The following SLC30A6 variants were observed in gnomAD, a reference collection of about 807,000 sequenced individuals.
SLC30A6 encodes zinc transporter 6.
SLC30A6 carries 55 observed loss-of-function variants against 63.0 expected under a neutral mutation model. That is an observed-to-expected ratio of 0.87 (90% CI 0.70 to 1.09). The LOEUF (loss-of-function observed/expected upper bound fraction) is 1.09. Among genes scored for constraint, SLC30A6 ranks in the 50% least tolerant of loss-of-function variants. The pLI, the probability that SLC30A6 is intolerant of heterozygous loss-of-function variation, is 0.00. For missense variants in SLC30A6, 587 were observed against 549.2 expected (o/e 1.07, Z -0.69); for synonymous variants, 224 against 186.1 (o/e 1.20, Z -1.66).
chr2:32,176,328 G>C (rs1000221260), intron 4 of SLC30A6, among the ~76,000 whole-genome samples: 1 of 152,128 alleles, frequency 6.6e-6, no homozygotes, highest in Non-Finnish European at 1.5e-5. Context: ...GTGTCGCTGA[G>C]TGTATTAGGG....
intron 10 of SLC30A6, among the ~76,000 whole-genome samples, chr2:32,199,111 C>T (rs1684045158): frequency 6.6e-6 from 1 of 152,216 alleles, no homozygotes; most frequent in Non-Finnish European, 1.5e-5. Flanking sequence ...CTGCTTATTT[C>T]ACTTAGCATA....
intron 4 of SLC30A6, among the ~76,000 whole-genome samples, chr2:32,179,573 G>GC (rs1435327999): frequency 6.6e-6 from 1 of 152,206 alleles, no homozygotes; most frequent in Admixed American, 6.5e-5. Context: ...AACCGATCCT[G>GC]CTGGGTATAG....
intron 4 of SLC30A6, among the ~76,000 whole-genome samples, chr2:32,181,947 T>TG: frequency 6.7e-6 from 1 of 150,052 alleles, no homozygotes; most frequent in East Asian, 1.9e-4. Flanking sequence ...TTTTTTTTTT[T>TG]TTTTTGAGAC....
chr2:32,205,250 C>G lies in SLC30A6; in HGVS notation c.768+558C>G, dbSNP rs540168492. 5.9e-5 allele frequency among the ~76,000 whole-genome samples: 9 copies of G among 152,192 alleles called. No individual in the cohort carries two copies. In the South Asian group the frequency reaches 1.7e-3, roughly 28 times the overall value. Reference sequence around the variant, plus strand: ...CCTGGCCAACATGGTGAAACCCTGTCTCTACTAAAAAAATACAAAAATTAG... The same window carrying G: ...CCTGGCCAACATGGTGAAACCCTGTGTCTACTAAAAAAATACAAAAATTAG... On this transcript the variant is annotated intron_variant, in intron 11 of 13. Coordinates refer to ENST00000282587, the MANE Select transcript of SLC30A6 (RefSeq NM_017964.5).
intron 8 of SLC30A6, among the ~76,000 whole-genome samples, chr2:32,194,655 G>A (rs1683619151): frequency 6.6e-6 from 1 of 152,186 alleles, no homozygotes; most frequent in Non-Finnish European, 1.5e-5. Flanking sequence ...GTATAGAGAA[G>A]CACAGATAGG....
chr2:32,168,745 A>G (rs1680908742), intron 1 of SLC30A6, among the ~76,000 whole-genome samples: 1 of 152,206 alleles, frequency 6.6e-6, no homozygotes, highest in African/African-American at 2.4e-5. Context: ...TCATGAGACA[A>G]AAGAGTAGAC....
intron 5 of SLC30A6, 62 bp from the exon 6 acceptor site, chr2:32,192,274 C>G: frequency 4.8e-6 from 7 of 1,462,584 alleles, no homozygotes; most frequent in Non-Finnish European, 5.8e-6. Flanking sequence ...TAAATGTGTT[C>G]TAGAGAGACT....
rs1443463732 is a variant in SLC30A6, at chr2:32,165,878, C to T, written c.-23C>T. The T allele has an allele frequency of 4.3e-6, 7 of 1,613,940 alleles. No individual in the cohort carries two copies. In the South Asian group the frequency reaches 4.4e-5, roughly 10 times the overall value. ...CTCGAGCACCCAGAACGGCTTCCGG[C>T]GGGAGCTGTGCAGCTCCTTATCATG... On this transcript the variant is annotated 5_prime_UTR_variant, in exon 1 of 14. Transcript: ENST00000282587.
intron 4 of SLC30A6, among the ~76,000 whole-genome samples, chr2:32,180,723 G>A (rs531099374): frequency 3.4e-4 from 52 of 152,272 alleles, no homozygotes; most frequent in African/African-American, 9.9e-4. Flanking sequence ...GTGAACCACC[G>A]CGCTCAGCCC....
At position 32,184,342 on chromosome 2, in the gene SLC30A6, A is replaced by G; in HGVS notation, c.284+4A>G. On this transcript the variant is annotated splice_donor_region_variant and intron_variant, in intron 5 of 13. Transcript: ENST00000282587. Reference sequence around the variant, plus strand: ...CTAGCCCTGTCTATTCATTTGGGTAAGTTCAAATTATTTTATTTTCTGCTA... The same window carrying G: ...CTAGCCCTGTCTATTCATTTGGGTAGGTTCAAATTATTTTATTTTCTGCTA... 6.8e-7 allele frequency: 1 copy of G among 1,475,690 alleles called. No homozygotes were observed. Among genetic ancestry groups the G allele is most frequent in the Non-Finnish European group, 9.1e-7 (1 of 1,097,090 alleles). The allele number at this position is 1,475,690 out of a possible 1,614,324, so 91.4% of individuals were successfully genotyped here. A position where few individuals can be genotyped will look rare whatever the true frequency, so the allele number is the denominator to read the frequency against.
chr2:32,196,330 A>G (rs959618721), intron 8 of SLC30A6, among the ~76,000 whole-genome samples: 2 of 152,110 alleles, frequency 1.3e-5, no homozygotes, highest in African/African-American at 4.8e-5. Flanking sequence ...CAAAAAAAAA[A>G]GAAAAAAGAT....
At chr2:32,202,767 T>C (rs1684408530) in intron 10 of SLC30A6, 2 of 715,652 alleles carry the variant, frequency 2.8e-6, no homozygotes, top group Non-Finnish European at 5.1e-6. Flanking sequence ...TCCTCAGACT[T>C]TACTTTTTTC....
At chr2:32,190,490 T>A (rs752096676) in intron 5 of SLC30A6, among the ~76,000 whole-genome samples, 46 of 152,082 alleles carry the variant, frequency 3.0e-4, no homozygotes, top group Admixed American at 9.2e-4. Context: ...AAATTAAATT[T>A]ATTTTTTTGG....
intron 12 of SLC30A6, among the ~76,000 whole-genome samples, chr2:32,207,859 C>G (rs191598851): frequency 6.6e-6 from 1 of 151,094 alleles, no homozygotes; most frequent in African/African-American, 2.4e-5. Context: ...CACCACATGC[C>G]TGGCTAATTT....
chr2:32,189,596 CTTTTTTTTT>C (rs3040842), intron 5 of SLC30A6, among the ~76,000 whole-genome samples: 2 of 51,882 alleles, frequency 3.9e-5, no homozygotes, highest in African/African-American at 1.9e-4. Context: ...CGCACCCGGC[CTTTTTTTTT>C]TTTTTTTTTT....
intron 4 of SLC30A6, among the ~76,000 whole-genome samples, chr2:32,182,947 G>A (rs1682460629): frequency 6.6e-6 from 1 of 152,130 alleles, no homozygotes; most frequent in South Asian, 2.1e-4. Context: ...CCAGCCCTTT[G>A]GGAGGCCGAG....
At chr2:32,176,021 G>A (rs564769607) in intron 4 of SLC30A6, among the ~76,000 whole-genome samples, 4 of 152,086 alleles carry the variant, frequency 2.6e-5, no homozygotes, top group African/African-American at 9.6e-5. Flanking sequence ...AAAAACTCTA[G>A]GTAGCAAATG....
At chr2:32,185,133 T>C (rs1004244672) in intron 5 of SLC30A6, among the ~76,000 whole-genome samples, 2 of 152,082 alleles carry the variant, frequency 1.3e-5, no homozygotes, top group Non-Finnish European at 2.9e-5. Context: ...CTTTGGTAGG[T>C]TGAGGCAGGA....
intron 13 of SLC30A6, among the ~76,000 whole-genome samples, chr2:32,213,660 C>A (rs1685446063): frequency 1.3e-5 from 2 of 152,138 alleles, no homozygotes; most frequent in South Asian, 4.1e-4. Context: ...CTGCTGCCAT[C>A]TTGCAAGAAT....
Sources: allele counts gnomAD v4.1 joint callset (sites outside exome capture counted in the v4.1 genomes callset), GRCh38; gene constraint gnomAD v4.1.1; transcripts MANE v1.5; gene names NCBI Gene and HGNC (gene_info 2026-07-23, HGNC 2026-07-21).